The following ASH1L variants were observed in gnomAD, a reference collection of about 807,000 sequenced individuals.
The protein encoded by ASH1L is histone-lysine N-methyltransferase ASH1L.
Under a neutral mutation model 269.0 loss-of-function variants are expected in ASH1L, and 23 were observed. The ratio of observed to expected loss-of-function variants is 0.09; its 90% CI spans 0.06 to 0.12. The LOEUF is 0.12. Among genes scored for constraint, ASH1L ranks in the 10% least tolerant of loss-of-function variants. The pLI is 1.00. For synonymous variants in ASH1L, 1,187 were observed against 1,253.5 expected (o/e 0.95, Z 1.12); for missense variants, 2,912 against 3,567.8 (o/e 0.82, Z 4.68).
At chr1:155,398,231 T>A (rs1210589476) in intron 6 of ASH1L, among the ~76,000 whole-genome samples, 1 of 152,160 alleles carries the variant, frequency 6.6e-6, no homozygotes, top group African/African-American at 2.4e-5. Context: ...AAACATAACT[T>A]AATAGATGTA....
intron 3 of ASH1L, among the ~76,000 whole-genome samples, chr1:155,461,754 C>T (rs190910649): frequency 6.5e-4 from 99 of 151,256 alleles, no homozygotes; most frequent in African/African-American, 2.3e-3. Context: ...TCAACTGTAT[C>T]ACCATTCCTG....
chr1:155,543,109 G>A (rs1435143013), intron 1 of ASH1L, among the ~76,000 whole-genome samples: 1 of 152,062 alleles, frequency 6.6e-6, no homozygotes, highest in African/African-American at 2.4e-5. Flanking sequence ...AAAAATCCTG[G>A]AAGATCAAAA....
In ASH1L at chr1:155,479,110, G is replaced by A. The variant is rs755792596; in HGVS notation, c.3760C>T (p.Arg1254Cys). The change falls in exon 3 of 28, where the codon CGC (arginine) becomes TGC (cysteine). Residue 1254 changes from arginine to cysteine, a missense_variant. Physicochemically the swap from Arg to Cys is radical, Grantham distance 180. Around this residue, in one of 13 missense-constraint regions of ASH1L, gnomAD observed 789 missense variants for 897.6 expected, o/e 0.88. Transcript: ENST00000392403. ...LKEKHKHKCK[R>C]RNHDYLSYDK... ...TAGCTGAGGTAATCATGATTCCTGC[G>A]CTTACATTTGTGTTTATGTTTTTCT... 31 of 1,613,902 alleles carry A rather than the reference G, an allele frequency of 1.9e-5. No homozygotes were observed. The Admixed American group carries it at 3.2e-4, about 16-fold the overall frequency.
At chr1:155,517,793 C>CTTTTTTTT (rs780065449) in intron 2 of ASH1L, among the ~76,000 whole-genome samples, 8 of 70,914 alleles carry the variant, frequency 1.1e-4, no homozygotes, top group Admixed American at 2.1e-4. Flanking sequence ...CCAATAATTT[C>CTTTTTTTT]TTTTTTTTTT....
At chr1:155,367,548 G>A (rs1479284377) in intron 12 of ASH1L, among the ~76,000 whole-genome samples, 1 of 151,916 alleles carries the variant, frequency 6.6e-6, no homozygotes, top group Admixed American at 6.6e-5. Flanking sequence ...ATATGACAGT[G>A]GATATCCTTA....
chr1:155,421,531 C>T (rs1226146813), intron 5 of ASH1L, among the ~76,000 whole-genome samples: 2 of 151,294 alleles, frequency 1.3e-5, no homozygotes, highest in African/African-American at 4.9e-5. Flanking sequence ...AATAGCCGGG[C>T]ATGGTGGTGG....
chr1:155,372,137 G>A (rs374432302), intron 10 of ASH1L, among the ~76,000 whole-genome samples: 2 of 151,166 alleles, frequency 1.3e-5, no homozygotes, highest in Non-Finnish European at 2.9e-5. Flanking sequence ...GATTACAGGC[G>A]CATACCACAA....
chr1:155,523,141 C>G (rs893245860), intron 1 of ASH1L, among the ~76,000 whole-genome samples: 2 of 152,046 alleles, frequency 1.3e-5, no homozygotes, highest in Non-Finnish European at 2.9e-5. Flanking sequence ...TTAGAAAGTT[C>G]CATTTATGAA....
chr1:155,346,572 A>G, intron 20 of ASH1L, 103 bp from the exon 21 acceptor site: 1 of 848,334 alleles, frequency 1.2e-6, no homozygotes, highest in East Asian at 2.5e-5. Flanking sequence ...GGTAAAGTAA[A>G]AGAGGAACTA....
chr1:155,562,313 G>C lies in ASH1L; in HGVS notation c.-260C>G, dbSNP rs767171519. The C allele has an allele frequency of 6.3e-7, 1 of 1,585,456 alleles. No individual in the cohort carries two copies. Among genetic ancestry groups the C allele is most frequent in the South Asian group, 1.1e-5 (1 of 90,254 alleles). ...TAAGCTGACTGGCGGAAATGCGAGA[G>C]AGGAGAAGGGAAAGGTGGAAGGCTA... On this transcript the variant is annotated 5_prime_UTR_variant, in exon 1 of 28. Transcript: ENST00000392403.
rs1220357983 is a variant in ASH1L at position 155,562,312 on chromosome 1, AGAG to A, written c.-262_-260del. 7 of 1,587,976 alleles carry A rather than the reference AGAG, an allele frequency of 4.4e-6. No individual in the cohort carries two copies. The highest frequency in any genetic ancestry group is 1.1e-5 in the South Asian group (1 of 90,362). The stretch of plus-strand genomic sequence containing the variant: ...GTAAGCTGACTGGCGGAAATGCGAG[AGAG>A]GAGAAGGGAAAGGTGGAAGGCTAAA... On this transcript the variant is annotated 5_prime_UTR_variant, in exon 1 of 28. Coordinates refer to ENST00000392403, the MANE Select transcript of ASH1L (RefSeq NM_018489.3).
intron 1 of ASH1L, among the ~76,000 whole-genome samples, chr1:155,528,971 A>G (rs1439909191): frequency 6.6e-6 from 1 of 151,942 alleles, no homozygotes; most frequent in Admixed American, 6.6e-5. Flanking sequence ...CTGTTCCTGC[A>G]CTAGTTTGCC....
In ASH1L at chr1:155,370,444, T is replaced by A. The variant is rs1010666106; in HGVS notation, c.6686+60A>T. 2.4e-5 allele frequency: 39 copies of A among 1,603,476 alleles called. 1 individual carries two copies. In the South Asian group the frequency reaches 4.1e-4, roughly 17 times the overall value. On this transcript the variant is annotated intron_variant, in intron 12 of 27. Coordinates refer to ENST00000392403, the MANE Select transcript of ASH1L (RefSeq NM_018489.3). ...GACTGACACTGGAAAGATCAATCCC[T>A]TGCTGCACTCAATGCTTATTCTGCT...
intron 1 of ASH1L, among the ~76,000 whole-genome samples, chr1:155,531,744 C>T (rs2148868404): frequency 6.6e-6 from 1 of 152,230 alleles, no homozygotes; most frequent in South Asian, 2.1e-4. Context: ...TTTGAGAATC[C>T]ATTTAGGTAG....
At chr1:155,398,600 G>C (rs980763391) in intron 6 of ASH1L, among the ~76,000 whole-genome samples, 2 of 152,086 alleles carry the variant, frequency 1.3e-5, no homozygotes, top group African/African-American at 4.8e-5. Context: ...GTGAGTGTGT[G>C]GTGAATGAAT....
intron 7 of ASH1L, among the ~76,000 whole-genome samples, chr1:155,394,182 T>A (rs945932464): frequency 6.6e-6 from 1 of 152,174 alleles, no homozygotes; most frequent in Middle Eastern, 3.4e-3. Flanking sequence ...TTTCAGGCAA[T>A]GGGAATAACA....
intron 2 of ASH1L, among the ~76,000 whole-genome samples, chr1:155,498,115 C>T (rs1174522177): frequency 6.6e-6 from 1 of 152,086 alleles, no homozygotes; most frequent in Non-Finnish European, 1.5e-5. Context: ...CTAAGTGAAA[C>T]AAGCCAGTCA....
intron 1 of ASH1L, among the ~76,000 whole-genome samples, chr1:155,543,850 A>G (rs914226362): frequency 2.6e-5 from 4 of 152,042 alleles, no homozygotes; most frequent in African/African-American, 9.7e-5. Flanking sequence ...AGAAGAATCA[A>G]TTGAGCCCGG....
chr1:155,464,517 C>T (rs1223044954), intron 3 of ASH1L, among the ~76,000 whole-genome samples: 5 of 134,276 alleles, frequency 3.7e-5, no homozygotes, highest in Non-Finnish European at 8.1e-5. Flanking sequence ...AGGCAAGCTG[C>T]AAAAAAAAAA....
Sources: gnomAD v4.1 joint callset for allele counts (sites outside exome capture counted in the v4.1 genomes callset) on GRCh38, gnomAD v4.1.1 for gene constraint, gnomAD v4.1.1 regional missense constraint, MANE v1.5 for transcripts, NCBI Gene and HGNC (gene_info 2026-07-23, HGNC 2026-07-21) for gene names.